Variants in RSPH9 observed in about 807,000 individuals in gnomAD.
The protein encoded by RSPH9 is radial spoke head protein 9 homolog.
In RSPH9, 27 loss-of-function variants were observed where a neutral mutation model predicts 27.0. The observed-to-expected ratio is 1.00, with a 90% CI of 0.74 to 1.38. The LOEUF (loss-of-function observed/expected upper bound fraction) is 1.38. RSPH9 is among the 40% of genes most tolerant of loss of function. The probability of loss-of-function intolerance (pLI) is 0.00; values close to 1 mark genes in which losing one functional copy is unlikely to be tolerated. For synonymous variants in RSPH9, 145 were observed against 147.7 expected (o/e 0.98, Z 0.13); for missense variants, 347 against 357.4 (o/e 0.97, Z 0.24).
At chr6:43,654,247 T>C (rs1292062283) in intron 2 of RSPH9, among the ~76,000 whole-genome samples, 1 of 152,218 alleles carries the variant, frequency 6.6e-6, no homozygotes, top group Non-Finnish European at 1.5e-5. Flanking sequence ...TATGAAATCC[T>C]TTTGTTCAGA....
At chr6:43,663,086 C>T (rs1772797761) in intron 4 of RSPH9, among the ~76,000 whole-genome samples, 1 of 152,150 alleles carries the variant, frequency 6.6e-6, no homozygotes, top group Non-Finnish European at 1.5e-5. Context: ...GGATGAACCA[C>T]CATGCCTGGC....
At position 43,655,614 on chromosome 6, in the gene RSPH9, A is replaced by G; in HGVS notation, c.446A>G (p.Lys149Arg). Reference protein sequence around the residue: ...RLVSVIDQIDKAVAIIPRGAL... With the variant: ...RLVSVIDQIDRAVAIIPRGAL... ...GTGTCTGTCATTGACCAGATTGACA[A>G]GGCTGTGGCCATCATCCCCCGAGGC... The change falls in exon 3 of 5, where the codon AAG becomes AGG. Residue 149 changes from lysine (K) to arginine (R), a missense_variant. By Grantham distance (26) the Lys-to-Arg change is conservative. Coordinates refer to ENST00000372163, the MANE Select transcript of RSPH9 (RefSeq NM_152732.5). 9 of 1,614,160 alleles carry G rather than the reference A, an allele frequency of 5.6e-6. No homozygotes were observed. The highest frequency in any genetic ancestry group is 7.6e-6 in the Non-Finnish European group (9 of 1,180,014).
At chr6:43,660,721 C>T (rs905717285) in intron 4 of RSPH9, among the ~76,000 whole-genome samples, 4 of 152,088 alleles carry the variant, frequency 2.6e-5, no homozygotes, top group East Asian at 1.9e-4. Context: ...TCTCGGCCTC[C>T]GAAAGTGCTG....
intron 4 of RSPH9, among the ~76,000 whole-genome samples, chr6:43,667,939 T>TA (rs749930446): frequency 4.6e-5 from 7 of 152,040 alleles, no homozygotes; most frequent in Non-Finnish European, 8.8e-5. Flanking sequence ...AGAATGTAAT[T>TA]AGAGTAAGTA....
intron 1 of RSPH9, among the ~76,000 whole-genome samples, chr6:43,647,109 A>G (rs1770965377): frequency 6.6e-6 from 1 of 152,136 alleles, no homozygotes; most frequent in Non-Finnish European, 1.5e-5. Flanking sequence ...CAGCCTGGTG[A>G]CAGAGCGAGA....
rs1000955548 is a variant in RSPH9 at position 43,672,491 on chromosome 6, C to T, written c.*1542C>T. On this transcript the variant is annotated 3_prime_UTR_variant, in exon 5 of 5. Transcript: ENST00000372163. ...GGAAAGATGGCTGCCGCCCATGGAC[C>T]TTTGGCCTCCTTTGGGGATGGCCAG... 2 of 465,812 alleles carry T rather than the reference C, an allele frequency of 4.3e-6. No individual in the cohort carries two copies. Among genetic ancestry groups the T allele is most frequent in the Admixed American group, 2.4e-5 (1 of 42,380 alleles). 28.9% of individuals were successfully genotyped at this position (465,812 alleles called of 1,614,324 possible). A position where few individuals can be genotyped will look rare whatever the true frequency, so the allele number is the denominator to read the frequency against.
intron 2 of RSPH9, among the ~76,000 whole-genome samples, chr6:43,653,184 G>T (rs1771658547): frequency 6.6e-6 from 1 of 152,140 alleles, no homozygotes; most frequent in South Asian, 2.1e-4. Context: ...GGGCATGGTG[G>T]CTCACGCCTG....
chr6:43,646,242 C>G (rs181930148), intron 1 of RSPH9, among the ~76,000 whole-genome samples: 3,348 of 152,152 alleles, frequency 0.022, 117 homozygotes, highest in African/African-American at 0.076. Context: ...CGCCATTCTC[C>G]TCCCTCAGCC....
At chr6:43,668,695 G>A (rs899662437) in intron 4 of RSPH9, among the ~76,000 whole-genome samples, 6 of 152,208 alleles carry the variant, frequency 3.9e-5, no homozygotes, top group Non-Finnish European at 7.3e-5. Context: ...GAACTGACAA[G>A]GGTCTAGGTT....
intron 4 of RSPH9, among the ~76,000 whole-genome samples, chr6:43,665,560 G>C (rs75733382): frequency 0.016 from 2,407 of 152,326 alleles, 63 homozygotes; most frequent in African/African-American, 0.055. Flanking sequence ...AGGTGGGTGA[G>C]CTGCAGTGAC....
rs1273999026 is a variant in RSPH9, at chr6:43,671,842, T to C, written c.*893T>C. Reference sequence around the variant, plus strand: ...GGTGACCCCACGGGCATGCGCACCCTGTTCCAGCGGGGGCCTTTTTTGTAG... The same window carrying C: ...GGTGACCCCACGGGCATGCGCACCCCGTTCCAGCGGGGGCCTTTTTTGTAG... On this transcript the variant is annotated 3_prime_UTR_variant, in exon 5 of 5. Coordinates refer to ENST00000372163, the MANE Select transcript of RSPH9 (RefSeq NM_152732.5). The C allele has an allele frequency of 1.2e-6, 2 of 1,614,130 alleles. No homozygotes were observed. Among genetic ancestry groups the C allele is most frequent in the Non-Finnish European group, 1.7e-6 (2 of 1,179,998 alleles).
Position 43,672,205 on chromosome 6 carries a change from CGAAGAG to C in RSPH9, c.*1258_*1263del. 2.1e-6 allele frequency: 1 copy of C among 480,592 alleles called. No homozygotes were observed. The highest frequency in any genetic ancestry group is 4.0e-6 in the Non-Finnish European group (1 of 251,206). The allele number at this position is 480,592 out of a possible 1,614,324, so 29.8% of individuals were successfully genotyped here. On this transcript the variant is annotated 3_prime_UTR_variant, in exon 5 of 5. Coordinates refer to ENST00000372163, the MANE Select transcript of RSPH9 (RefSeq NM_152732.5). The stretch of plus-strand genomic sequence containing the variant: ...TGTGTGTTTGCTGAGGAAAAGGTGG[CGAAGAG>C]GCTGCCTGAAGAGCAGATCATTCCT...
At chr6:43,650,262 G>A (rs1312308498) in intron 1 of RSPH9, 113 bp from the exon 2 acceptor site, 3 of 1,237,080 alleles carry the variant, frequency 2.4e-6, no homozygotes, top group Non-Finnish European at 3.5e-6. Context: ...GAGGAAAGGT[G>A]GCCATTTCAA....
intron 4 of RSPH9, among the ~76,000 whole-genome samples, chr6:43,668,441 C>T (rs75276127): frequency 0.019 from 2,882 of 152,232 alleles, 101 homozygotes; most frequent in African/African-American, 0.067. Flanking sequence ...CTCCCGCCTG[C>T]GCAGCACTGC....
chr6:43,656,205 C>T (rs937705573), intron 3 of RSPH9, among the ~76,000 whole-genome samples: 4 of 152,058 alleles, frequency 2.6e-5, no homozygotes, highest in African/African-American at 7.2e-5. Flanking sequence ...CCTGCCTCAG[C>T]CTCCCGAGTA....
At chr6:43,659,981 C>T (rs1772443857) in intron 4 of RSPH9, among the ~76,000 whole-genome samples, 1 of 151,430 alleles carries the variant, frequency 6.6e-6, no homozygotes, top group African/African-American at 2.4e-5. Flanking sequence ...GGTGATCTGC[C>T]CGCCTTGGCC....
Position 43,670,817 on chromosome 6 carries a change from C to A in RSPH9, c.699C>A (p.Gly233=). ...CCTGGAGCATCCAGATGGAGAGGGG[C>A]AATGCCCTGGTGGTGCTGCGCAGCC... The part of the protein sequence containing the change: ...KGSWSIQMER[G]NALVVLRSLL... Residue 233 remains glycine, a synonymous_variant, in exon 5 of 5, where the codon GGC becomes GGA. Coordinates refer to ENST00000372163, the MANE Select transcript of RSPH9 (RefSeq NM_152732.5). The A allele has an allele frequency of 6.2e-7, 1 of 1,614,196 alleles. No homozygotes were observed. Among genetic ancestry groups the A allele is most frequent in the Non-Finnish European group, 8.5e-7 (1 of 1,180,026 alleles).
intron 2 of RSPH9, among the ~76,000 whole-genome samples, chr6:43,654,176 C>T (rs549631244): frequency 4.6e-5 from 7 of 152,212 alleles, no homozygotes; most frequent in South Asian, 2.1e-4. Context: ...TAGGTGGCTC[C>T]GTGACTCTCT....
At chr6:43,666,393 C>T in intron 4 of RSPH9, 1 of 1,509,690 alleles carries the variant, frequency 6.6e-7, no homozygotes, top group South Asian at 1.2e-5. Flanking sequence ...CAGCTGTTTT[C>T]TGGCCAGTTA....
Sources: allele counts gnomAD v4.1 joint callset (sites outside exome capture counted in the v4.1 genomes callset), GRCh38; gene constraint gnomAD v4.1.1; transcripts MANE v1.5; gene names NCBI Gene and HGNC (gene_info 2026-07-23, HGNC 2026-07-21).